Variants in ZKSCAN1 observed in about 807,000 individuals in gnomAD.
ZKSCAN1 encodes the protein zinc finger protein with KRAB and SCAN domains 1.
Under a neutral mutation model 51.6 loss-of-function variants are expected in ZKSCAN1, and 14 were observed. The observed-to-expected ratio is 0.27, with a 90% CI of 0.18 to 0.42. The LOEUF (loss-of-function observed/expected upper bound fraction) is 0.42, where lower values mean the gene tolerates loss of function less well. Ranked by LOEUF, ZKSCAN1 falls within the 10% of genes least tolerant of loss-of-function variation. ZKSCAN1 has a pLI of 1.00. For missense variants in ZKSCAN1, 531 were observed against 710.0 expected (o/e 0.75, Z 2.86); for synonymous variants, 263 against 261.5 (o/e 1.01, Z -0.06).
chr7:100,021,265 C>T (rs969512491), intron 1 of ZKSCAN1, among the ~76,000 whole-genome samples: 13 of 151,618 alleles, frequency 8.6e-5, no homozygotes, highest in African/African-American at 2.7e-4. Context: ...GGATTACAGG[C>T]GCCTGCTACC....
In ZKSCAN1 at chr7:100,036,928, C is replaced by A; in HGVS notation, c.*2731C>A. 1.0e-6 allele frequency: 1 copy of A among 985,054 alleles called. No homozygotes were observed. Among genetic ancestry groups the A allele is most frequent in the Non-Finnish European group, 1.2e-6 (1 of 829,852 alleles). 61.0% of individuals were successfully genotyped at this position (985,054 alleles called of 1,614,324 possible). ...AAATGAAGGTTAAATGTGACCTGTGCCCTCACATTTAATTCCGTTTCATGG... is the reference window on the plus strand; with the variant it reads ...AAATGAAGGTTAAATGTGACCTGTGACCTCACATTTAATTCCGTTTCATGG... On this transcript the variant is annotated 3_prime_UTR_variant, in exon 6 of 6. Transcript: ENST00000324306.
rs1003231963 is a variant in ZKSCAN1 at position 100,036,927 on chromosome 7, G to A, written c.*2730G>A. The A allele has an allele frequency of 1.0e-6, 1 of 984,584 alleles. No individual in the cohort carries two copies. The highest frequency in any genetic ancestry group is 1.8e-5 in the African/African-American group (1 of 56,992). The allele number at this position is 984,584 out of a possible 1,614,324, so 61.0% of individuals were successfully genotyped here. A position where few individuals can be genotyped will look rare whatever the true frequency, so the allele number is the denominator to read the frequency against. On this transcript the variant is annotated 3_prime_UTR_variant, in exon 6 of 6. Coordinates refer to ENST00000324306, the MANE Select transcript of ZKSCAN1 (RefSeq NM_003439.4). ...TAAATGAAGGTTAAATGTGACCTGT[G>A]CCCTCACATTTAATTCCGTTTCATG...
At position 100,041,363 on chromosome 7, in the gene ZKSCAN1, A is replaced by G. The variant is rs1191524103; in HGVS notation, c.*7166A>G. On this transcript the variant is annotated 3_prime_UTR_variant, in exon 6 of 6. Coordinates refer to ENST00000324306, the MANE Select transcript of ZKSCAN1 (RefSeq NM_003439.4). Reference sequence around the variant, plus strand: ...AATGTGTTCATTTAAAATCCTCCTTAACATTTCTAGAAAGACTTCTTTCAA... The same window carrying G: ...AATGTGTTCATTTAAAATCCTCCTTGACATTTCTAGAAAGACTTCTTTCAA... The G allele has an allele frequency of 1.0e-6, 1 of 985,100 alleles. No homozygotes were observed. The highest frequency in any genetic ancestry group is 1.2e-6 in the Non-Finnish European group (1 of 829,758). 61.0% of individuals were successfully genotyped at this position (985,100 alleles called of 1,614,324 possible).
intron 3 of ZKSCAN1, among the ~76,000 whole-genome samples, chr7:100,028,993 C>T (rs929104030): frequency 1.3e-5 from 2 of 151,758 alleles, no homozygotes; most frequent in Non-Finnish European, 2.9e-5. Context: ...GGAGAAACCC[C>T]GCCTCTACTA....
rs1010382342 is a variant in ZKSCAN1 at position 100,040,667 on chromosome 7, C to T, written c.*6470C>T. 1.4e-5 allele frequency: 14 copies of T among 985,252 alleles called. No individual in the cohort carries two copies. The highest frequency in any genetic ancestry group is 5.2e-4 in the Middle Eastern group (1 of 1,936). 61.0% of individuals were successfully genotyped at this position (985,252 alleles called of 1,614,324 possible). On this transcript the variant is annotated 3_prime_UTR_variant, in exon 6 of 6. Coordinates refer to ENST00000324306, the MANE Select transcript of ZKSCAN1 (RefSeq NM_003439.4). ...TATGGAAGGAGAAGGGGGAAGAGGACGGTAACGGCCCCACACTCCAGGCTG... is the reference window on the plus strand; with the variant it reads ...TATGGAAGGAGAAGGGGGAAGAGGATGGTAACGGCCCCACACTCCAGGCTG...
Position 100,039,976 on chromosome 7 carries a change from T to C in ZKSCAN1, c.*5779T>C. 4 of 955,300 alleles carry C rather than the reference T, an allele frequency of 4.2e-6. No homozygotes were observed. The highest frequency in any genetic ancestry group is 5.0e-6 in the Non-Finnish European group (4 of 802,542). 59.2% of individuals were successfully genotyped at this position (955,300 alleles called of 1,614,324 possible). Reference sequence around the variant, plus strand: ...CATTATTTGAAAAGTTTTTCTAACATAGATTTAGGGTTTTTTTTTTTAGAG... The same window carrying C: ...CATTATTTGAAAAGTTTTTCTAACACAGATTTAGGGTTTTTTTTTTTAGAG... On this transcript the variant is annotated 3_prime_UTR_variant, in exon 6 of 6. Coordinates refer to ENST00000324306, the MANE Select transcript of ZKSCAN1 (RefSeq NM_003439.4).
chr7:100,025,503 C>T (rs1037662867), intron 3 of ZKSCAN1, among the ~76,000 whole-genome samples: 3 of 152,112 alleles, frequency 2.0e-5, no homozygotes, highest in Admixed American at 1.3e-4. Context: ...ATATGTAATA[C>T]ATTTATCCAG....
Position 100,034,388 on chromosome 7 carries a change from A to G in ZKSCAN1, c.*191A>G. ...AGTTGGGCATATAATCCTTCCACAC[A>G]GCCCCTGCAGGGAAAGGCTAATCTT... On this transcript the variant is annotated 3_prime_UTR_variant, in exon 6 of 6. Coordinates refer to ENST00000324306, the MANE Select transcript of ZKSCAN1 (RefSeq NM_003439.4). 12 of 1,329,122 alleles carry G rather than the reference A, an allele frequency of 9.0e-6. No individual in the cohort carries two copies. Among genetic ancestry groups the G allele is most frequent in the Non-Finnish European group, 1.1e-5 (12 of 1,046,640 alleles). The allele number at this position is 1,329,122 out of a possible 1,614,324, so 82.3% of individuals were successfully genotyped here. A position where few individuals can be genotyped will look rare whatever the true frequency, so the allele number is the denominator to read the frequency against.
At chr7:100,030,496 TAGACC>T (rs761073376) in intron 5 of ZKSCAN1, 121 bp downstream of exon 5, 58 of 1,204,248 alleles carry the variant, frequency 4.8e-5, no homozygotes, top group Non-Finnish European at 6.3e-5. Context: ...TCCCCTTTTG[TAGACC>T]AGATGGAAAG....
intron 3 of ZKSCAN1, among the ~76,000 whole-genome samples, chr7:100,029,554 C>G (rs2115905341): frequency 6.6e-6 from 1 of 152,292 alleles, no homozygotes; most frequent in African/African-American, 2.4e-5. Flanking sequence ...CCCATCCTGG[C>G]TCTGCCACTG....
At chr7:100,018,644 C>T (rs1035889773) in intron 1 of ZKSCAN1, among the ~76,000 whole-genome samples, 6 of 152,150 alleles carry the variant, frequency 3.9e-5, no homozygotes, top group African/African-American at 1.4e-4. Context: ...ACCTCAGCCT[C>T]CCAAAGTGCT....
Position 100,033,721 on chromosome 7 carries a change from G to A in ZKSCAN1, c.1216G>A (p.Glu406Lys). 6.2e-7 allele frequency: 1 copy of A among 1,614,228 alleles called. No homozygotes were observed. Among genetic ancestry groups the A allele is most frequent in the Non-Finnish European group, 8.5e-7 (1 of 1,180,036 alleles). Residue 406 changes from glutamate (E) to lysine (K), a missense_variant, in exon 6 of 6, where the codon GAA becomes AAA. Glu to Lys is a moderately conservative substitution (Grantham distance 56). This residue lies in a region of ZKSCAN1 where 128 missense variants were observed against 219.5 expected (regional missense o/e 0.58). Coordinates refer to ENST00000324306, the MANE Select transcript of ZKSCAN1 (RefSeq NM_003439.4). The surrounding 1 kb of genome is among the most constrained non-coding windows in gnomAD (Gnocchi z 4.1). ...KIIHTGEKPY[E>K]CSECGKAFSL... ...AATCCACACTGGAGAAAAGCCCTATGAATGTAGTGAGTGTGGGAAAGCCTT... is the reference window on the plus strand; with the variant it reads ...AATCCACACTGGAGAAAAGCCCTATAAATGTAGTGAGTGTGGGAAAGCCTT...
chr7:100,038,693 T>C lies in ZKSCAN1; in HGVS notation c.*4496T>C, dbSNP rs1791465288. On this transcript the variant is annotated 3_prime_UTR_variant, in exon 6 of 6. Coordinates refer to ENST00000324306, the MANE Select transcript of ZKSCAN1 (RefSeq NM_003439.4). ...TTTCCCACTAACTCTTAAATCCTTA[T>C]GCTTAGAAAATTGAGGATAAGGCTG... The C allele has an allele frequency of 3.0e-6, 3 of 985,282 alleles. No homozygotes were observed. Among genetic ancestry groups the C allele is most frequent in the African/African-American group, 3.5e-5 (2 of 57,222 alleles). The allele number at this position is 985,282 out of a possible 1,614,324, so 61.0% of individuals were successfully genotyped here.
intron 1 of ZKSCAN1, among the ~76,000 whole-genome samples, chr7:100,016,260 G>A (rs1790359179): frequency 6.6e-6 from 1 of 152,104 alleles, no homozygotes; most frequent in Non-Finnish European, 1.5e-5. Flanking sequence ...ACTGAGCGGT[G>A]ATTAAAGAGT....
chr7:100,032,508 G>C (rs1251347456), intron 5 of ZKSCAN1, among the ~76,000 whole-genome samples: 1 of 152,180 alleles, frequency 6.6e-6, no homozygotes, highest in Non-Finnish European at 1.5e-5. Flanking sequence ...TAGGACAACA[G>C]ATCTTCCTGT....
In ZKSCAN1 at chr7:100,033,530, C is replaced by T. The variant is rs1175698897; in HGVS notation, c.1025C>T (p.Thr342Ile). 8.1e-6 allele frequency: 13 copies of T among 1,613,946 alleles called. No individual in the cohort carries two copies. Among genetic ancestry groups the T allele is most frequent in the African/African-American group, 1.3e-5 (1 of 74,894 alleles). ...PAIGKDKKTITGERGPREKGK... is the reference protein window; with the variant it reads ...PAIGKDKKTIIGERGPREKGK... ...ATAGGAAAGGACAAAAAAACCATCA[C>T]AGGAGAGAGAGGTCCAAGGGAGAAG... is the stretch of plus-strand genomic sequence containing the variant. The change falls in exon 6 of 6, where the codon ACA becomes ATA. Residue 342 changes from threonine (T) to isoleucine (I), a missense_variant. By Grantham distance (89) the Thr-to-Ile change is moderately conservative (BLOSUM62 -1). Transcript: ENST00000324306. This position sits in a 1 kb window ranked among gnomAD's most constrained non-coding sequence, Gnocchi z 4.1.
At position 100,030,294 on chromosome 7, in the gene ZKSCAN1, G is replaced by A. The variant is rs141570961; in HGVS notation, c.718G>A (p.Glu240Lys). The change falls in exon 5 of 6, where the codon GAA becomes AAA. Residue 240 changes from glutamate to lysine, a missense_variant. Glu to Lys is a moderately conservative substitution (Grantham distance 56). Around this residue, in one of 2 missense-constraint regions of ZKSCAN1, gnomAD observed 403 missense variants for 490.5 expected, o/e 0.82. Transcript: ENST00000324306. The stretch of plus-strand genomic sequence containing the variant: ...CATGGCTGTGTCCCTCATTCTGGAG[G>A]AATGGGGATGTCAGAATCTGGCTCG... The part of the protein sequence containing the change: ...EDMAVSLILE[E>K]WGCQNLARRN... 1 of 1,614,030 alleles carries A rather than the reference G, an allele frequency of 6.2e-7. No homozygotes were observed. The highest frequency in any genetic ancestry group is 1.3e-5 in the African/African-American group (1 of 74,904).
In ZKSCAN1 at chr7:100,039,640, C is replaced by G; in HGVS notation, c.*5443C>G. On this transcript the variant is annotated 3_prime_UTR_variant, in exon 6 of 6. Coordinates refer to ENST00000324306, the MANE Select transcript of ZKSCAN1 (RefSeq NM_003439.4). ...ATCTGCTTATCCAAAGCCAGCTAAC[C>G]AGGTTCATCCTACCATCCTCATGGA... 1.0e-6 allele frequency: 1 copy of G among 985,382 alleles called. No homozygotes were observed. The highest frequency in any genetic ancestry group is 1.2e-6 in the Non-Finnish European group (1 of 829,926). The allele number at this position is 985,382 out of a possible 1,614,324, so 61.0% of individuals were successfully genotyped here.
At position 100,034,184 on chromosome 7, in the gene ZKSCAN1, A is replaced by G; in HGVS notation, c.1679A>G (p.Lys560Arg). The G allele has an allele frequency of 6.6e-7, 1 of 1,507,200 alleles. No homozygotes were observed. Among genetic ancestry groups the G allele is most frequent in the Non-Finnish European group, 8.8e-7 (1 of 1,135,386 alleles). The allele number at this position is 1,507,200 out of a possible 1,614,324, so 93.4% of individuals were successfully genotyped here. Residue 560 changes from lysine (K) to arginine (R), a missense_variant, in exon 6 of 6, where the codon AAA becomes AGA. Around this residue, in one of 2 missense-constraint regions of ZKSCAN1, gnomAD observed 128 missense variants for 219.5 expected, o/e 0.58. Transcript: ENST00000324306. ...CTTGATGCATTTGGCGCGTTCCTGAAAAGTTGTGTGTAAAGGAAGAATTTG... is the reference window on the plus strand; with the variant it reads ...CTTGATGCATTTGGCGCGTTCCTGAGAAGTTGTGTGTAAAGGAAGAATTTG... ...ASLDAFGAFL[K>R]SCV
Sources: gnomAD v4.1 joint callset for allele counts (sites outside exome capture counted in the v4.1 genomes callset) on GRCh38, gnomAD v4.1.1 for gene constraint, gnomAD v4.1.1 regional missense constraint, Gnocchi (gnomAD v3.1) non-coding constraint, MANE v1.5 for transcripts, NCBI Gene and HGNC (gene_info 2026-07-23, HGNC 2026-07-21) for gene names.